Variants in SCD5 observed in about 807,000 individuals in gnomAD.
SCD5 encodes acyl-CoA-desaturase 4.
A neutral mutation model predicts 30.4 loss-of-function variants in SCD5; 20 were observed. The observed-to-expected ratio is 0.66, with a 90% CI of 0.46 to 0.96. The LOEUF is 0.96. SCD5 is among the 40% of genes least tolerant of loss of function. SCD5 has a pLI of 0.00. For synonymous variants in SCD5, 173 were observed against 176.4 expected (o/e 0.98, Z 0.16); for missense variants, 381 against 443.3 (o/e 0.86, Z 1.26).
Position 82,714,427 on chromosome 4 carries a change from A to T in SCD5, c.233-9014T>A, listed in dbSNP as rs181349201. ...ACTCATGGGCAGTCTCTAGGTAAAC[A>T]TTGAACAAATCATTACTGGGTGACA... On this transcript the variant is annotated intron_variant, in intron 1 of 4. Coordinates refer to ENST00000319540, the MANE Select transcript of SCD5 (RefSeq NM_001037582.3). Among the ~76,000 whole-genome samples the T allele has an allele frequency of 7.2e-3, 1,099 of 152,252 alleles. 12 individuals carry two copies. Among genetic ancestry groups the T allele is most frequent in the African/African-American group, 0.025 (1,049 of 41,538 alleles).
intron 4 of SCD5, 130 bp downstream of exon 4, chr4:82,636,461 A>AT (rs1439598388): frequency 8.1e-6 from 6 of 738,162 alleles, no homozygotes; most frequent in Non-Finnish European, 1.3e-5. Context: ...GGAAAAAAAA[A>AT]AAAAAAGCTC....
rs150951387 is a variant in SCD5 at position 82,700,091 on chromosome 4, C to T, written c.363+5192G>A. ...AACAAGCTGGGTTTGGTGGCGCGCACCTGTAATCCCAGCTACTCGGGTGGC... is the reference window on the plus strand; with the variant it reads ...AACAAGCTGGGTTTGGTGGCGCGCATCTGTAATCCCAGCTACTCGGGTGGC... On this transcript the variant is annotated intron_variant, in intron 2 of 4. Coordinates refer to ENST00000319540, the MANE Select transcript of SCD5 (RefSeq NM_001037582.3). Among the ~76,000 whole-genome samples, 425 of 152,060 alleles carry T rather than the reference C, an allele frequency of 2.8e-3. 2 individuals carry two copies. The highest frequency in any genetic ancestry group is 0.024 in the Middle Eastern group (7 of 294).
At chr4:82,792,527 T>C (rs112478563) in intron 1 of SCD5, among the ~76,000 whole-genome samples, 3,219 of 152,162 alleles carry the variant, frequency 0.021, 108 homozygotes, top group African/African-American at 0.073. Context: ...CCTGGCAACA[T>C]AGTGAGACCC....
intron 1 of SCD5, among the ~76,000 whole-genome samples, chr4:82,766,241 T>A (rs1457349364): frequency 6.6e-6 from 1 of 152,246 alleles, no homozygotes; most frequent in East Asian, 1.9e-4. Flanking sequence ...CATCTGACGC[T>A]GTCCCACAGC....
intron 1 of SCD5, among the ~76,000 whole-genome samples, chr4:82,790,082 C>T (rs748455003): frequency 2.0e-5 from 3 of 152,164 alleles, no homozygotes; most frequent in Non-Finnish European, 4.4e-5. Flanking sequence ...AGGCACTCAG[C>T]CCCACTTCAA....
At chr4:82,759,715 C>T (rs1325189989) in intron 1 of SCD5, among the ~76,000 whole-genome samples, 1 of 151,950 alleles carries the variant, frequency 6.6e-6, no homozygotes, top group African/African-American at 2.4e-5. Context: ...TACCTACCCT[C>T]CACTCCTTCC....
At chr4:82,790,510 G>A (rs187530769) in intron 1 of SCD5, among the ~76,000 whole-genome samples, 169 of 152,120 alleles carry the variant, frequency 1.1e-3, no homozygotes, top group African/African-American at 3.9e-3. Context: ...GCCTCTCCAC[G>A]ACCAGCCCTG....
chr4:82,773,258 A>G (rs1288167070), intron 1 of SCD5, among the ~76,000 whole-genome samples: 1 of 152,210 alleles, frequency 6.6e-6, no homozygotes, highest in Non-Finnish European at 1.5e-5. Context: ...TAGTTGCAAC[A>G]AGGATTTTAA....
At chr4:82,688,857 A>G (rs918657487) in intron 2 of SCD5, among the ~76,000 whole-genome samples, 2 of 152,178 alleles carry the variant, frequency 1.3e-5, no homozygotes, top group South Asian at 2.1e-4. Context: ...ATGTATTCAA[A>G]TAAGACTTTT....
chr4:82,672,899 T>A (rs1315588082), intron 3 of SCD5, among the ~76,000 whole-genome samples: 1 of 152,072 alleles, frequency 6.6e-6, no homozygotes, highest in African/African-American at 2.4e-5. Context: ...AATTTGAAAG[T>A]CAATTAATGT....
chr4:82,653,707 T>TAGATAGATAGATAGATAGATATAGATAG (rs34976357), intron 3 of SCD5, among the ~76,000 whole-genome samples: 2 of 61,622 alleles, frequency 3.2e-5, no homozygotes, highest in South Asian at 5.1e-4. Flanking sequence ...GATAGATAGA[T>TAGATAGATAGATAGATAGATATAGATAG]ATAGATAGAT....
At chr4:82,665,076 ATTTT>A (rs59529272) in intron 3 of SCD5, among the ~76,000 whole-genome samples, 2 of 74,936 alleles carry the variant, frequency 2.7e-5, no homozygotes, top group African/African-American at 9.7e-5. Flanking sequence ...ATATATATAT[ATTTT>A]TTTTTTAATT....
intron 3 of SCD5, among the ~76,000 whole-genome samples, chr4:82,661,950 G>A (rs558477690): frequency 6.6e-6 from 1 of 152,170 alleles, no homozygotes; most frequent in Non-Finnish European, 1.5e-5. Flanking sequence ...CAGGGACGTG[G>A]GGACGTTTCC....
intron 4 of SCD5, among the ~76,000 whole-genome samples, chr4:82,634,404 A>T (rs1303515942): frequency 6.6e-6 from 1 of 152,198 alleles, no homozygotes; most frequent in Non-Finnish European, 1.5e-5. Flanking sequence ...ATTTCGCTCT[A>T]TAACGAGTAC....
rs774200515 is a variant in SCD5 at position 82,636,751 on chromosome 4, C to G, written c.642G>C (p.Glu214Asp). ...PTLVPWYIWG[E>D]SLWNSYFLAS... Reference sequence around the variant, plus strand: ...CCAAGAAGTAGGAATTCCACAGACTCTCTCCCCAGATGTACCAGGGCACCA... The same window carrying G: ...CCAAGAAGTAGGAATTCCACAGACTGTCTCCCCAGATGTACCAGGGCACCA... The change falls in exon 4 of 5, where the codon GAG becomes GAC. Residue 214 changes from glutamate to aspartate, a missense_variant. Coordinates refer to ENST00000319540, the MANE Select transcript of SCD5 (RefSeq NM_001037582.3). The G allele has an allele frequency of 3.1e-6, 5 of 1,614,250 alleles. No individual in the cohort carries two copies. The highest frequency in any genetic ancestry group is 4.2e-6 in the Non-Finnish European group (5 of 1,180,050).
At chr4:82,793,810 G>A (rs1461986608) in intron 1 of SCD5, among the ~76,000 whole-genome samples, 1 of 152,182 alleles carries the variant, frequency 6.6e-6, no homozygotes, top group Admixed American at 6.5e-5. Flanking sequence ...CAGCTGGTAA[G>A]TAAGTAGAAG....
intron 1 of SCD5, among the ~76,000 whole-genome samples, chr4:82,765,910 G>A (rs1278519028): frequency 1.3e-5 from 2 of 152,158 alleles, no homozygotes; most frequent in Admixed American, 1.3e-4. Flanking sequence ...ATGAGCCACT[G>A]TGCATGCCCC....
rs184371234 is a variant in SCD5, at chr4:82,768,849, T to C, written c.232+29457A>G. Among the ~76,000 whole-genome samples the C allele has an allele frequency of 6.0e-4, 91 of 152,210 alleles. 1 individual carries two copies. Among genetic ancestry groups the C allele is most frequent in the Admixed American group, 5.7e-3 (87 of 15,278 alleles). ...TGAAAGAAGAGGTGCAGGCAGATTA[T>C]GAGAGGTGTAGTGTGAAGGTGGAAG... On this transcript the variant is annotated intron_variant, in intron 1 of 4. Coordinates refer to ENST00000319540, the MANE Select transcript of SCD5 (RefSeq NM_001037582.3).
chr4:82,796,920 G>A (rs1434644947), intron 1 of SCD5, among the ~76,000 whole-genome samples: 1 of 152,226 alleles, frequency 6.6e-6, no homozygotes, highest in Admixed American at 6.5e-5. Context: ...GGTGCACTGA[G>A]AGAAGGAAAG....
Sources: allele counts gnomAD v4.1 joint callset (sites outside exome capture counted in the v4.1 genomes callset), GRCh38; gene constraint gnomAD v4.1.1; transcripts MANE v1.5; gene names NCBI Gene and HGNC (gene_info 2026-07-23, HGNC 2026-07-21).